Variants in C4orf50 observed in about 807,000 individuals in gnomAD.
The protein encoded by C4orf50 is uncharacterized protein C4orf50.
A neutral mutation model predicts 77.2 loss-of-function variants in C4orf50; 80 were observed. That is an observed-to-expected ratio of 1.04 (90% CI 0.87 to 1.25). The LOEUF is 1.25. C4orf50 is among the 50% of genes most tolerant of loss of function. C4orf50 has a pLI of 0.00. For synonymous variants in C4orf50, 532 were observed against 465.3 expected, an observed-to-expected ratio of 1.14 and a Z score of -1.84; for missense variants, 1,257 against 1,152.9, an observed-to-expected ratio of 1.09 and a Z score of -1.31.
At chr4:5,980,776 G>A (rs1720543850) in intron 28 of C4orf50, among the ~76,000 whole-genome samples, 2 of 152,164 alleles carry the variant, frequency 1.3e-5, no homozygotes, top group Non-Finnish European at 2.9e-5. Context: ...GAAATTGAAT[G>A]TTCCAATCAA....
chr4:5,970,674 CA>C lies in C4orf50; in HGVS notation c.4104+2984del, dbSNP rs1719858253. Among the ~76,000 whole-genome samples the C allele has an allele frequency of 1.3e-5, 2 of 152,320 alleles. No individual in the cohort carries two copies. Among genetic ancestry groups the C allele is most frequent in the Admixed American group, 1.3e-4 (2 of 15,302 alleles). ...AGGACAAGAAAAGAAAATGGAAATA[CA>C]AAGACTCAGTCACGTGCAGGGAGGG... On this transcript the variant is annotated intron_variant, in intron 31 of 33. Transcript: ENST00000531445. This position sits in a 1 kb window ranked among gnomAD's most constrained non-coding sequence, Gnocchi z 4.3.
chr4:5,916,647 A>G lies in C4orf50; in HGVS notation c.*2475-18459T>C, dbSNP rs922845938. 1.3e-5 allele frequency among the ~76,000 whole-genome samples: 2 copies of G among 152,242 alleles called. No individual in the cohort carries two copies. The highest frequency in any genetic ancestry group is 2.9e-5 in the Non-Finnish European group (2 of 68,008). On this transcript the variant is annotated intron_variant, in intron 7 of 7. Transcript: ENST00000324058. This position sits in a 1 kb window ranked among gnomAD's most constrained non-coding sequence, Gnocchi z 4.4. The stretch of plus-strand genomic sequence containing the variant: ...GGGTGCAGGTGGTTTATTTGGGGGG[A>G]GATCCCAGAAGTAGGAGTGAGGGAG...
intron 7 of C4orf50, among the ~76,000 whole-genome samples, chr4:5,925,807 C>A (rs1484213974): frequency 1.3e-5 from 2 of 152,196 alleles, no homozygotes; most frequent in Non-Finnish European, 2.9e-5. Context: ...GGCCTGGGAC[C>A]CACCCTTGGC....
exon 28 of C4orf50, chr4:5,988,390 A>G: frequency 6.2e-7 from 1 of 1,613,936 alleles, no homozygotes; most frequent in Non-Finnish European, 8.5e-7. Context: ...CCCCTGAGCC[A>G]CAGAACACCT....
chr4:5,989,749 G>A (rs4266238), exon 28 of C4orf50: 801,015 of 1,532,948 alleles, frequency 0.52, 214,555 homozygotes, highest in East Asian at 0.89. Flanking sequence ...TGGCAAACCT[G>A]TCTCTCCTGC....
At chr4:5,988,845 A>G in exon 28 of C4orf50, 1 of 1,535,964 alleles carries the variant, frequency 6.5e-7, no homozygotes, top group Non-Finnish European at 8.7e-7. Context: ...TCAGCTCTTT[A>G]TAACTGACGC....
Position 5,908,451 on chromosome 4 carries a change from T to C in C4orf50, c.*2475-10263A>G, listed in dbSNP as rs1268623982. On this transcript the variant is annotated intron_variant, in intron 7 of 7. Coordinates refer to the C4orf50 transcript ENST00000324058. This position sits in a 1 kb window ranked among gnomAD's most constrained non-coding sequence, Gnocchi z 5.6. ...TCTATAAAACCACAGGAGGCATTCA[T>C]ATGTCCTGGGGAGTTGGCAGCGACT... Among the ~76,000 whole-genome samples, 1 of 152,244 alleles carries C rather than the reference T, an allele frequency of 6.6e-6. No individual in the cohort carries two copies. Among genetic ancestry groups the C allele is most frequent in the East Asian group, 1.9e-4 (1 of 5,162 alleles).
At chr4:5,997,650 T>A (rs145233379) in intron 25 of C4orf50, among the ~76,000 whole-genome samples, 101 of 152,362 alleles carry the variant, frequency 6.6e-4, no homozygotes, top group African/African-American at 2.2e-3. Flanking sequence ...TGTGCAATTA[T>A]AAGCAAAAAG....
chr4:5,936,652 A>G (rs1718032644), intron 7 of C4orf50, among the ~76,000 whole-genome samples: 1 of 56,384 alleles, frequency 1.8e-5, no homozygotes. Context: ...AAATTGAGTC[A>G]GTCTAAAACT....
intron 25 of C4orf50, among the ~76,000 whole-genome samples, chr4:6,004,341 G>A (rs1577992757): frequency 7.8e-6 from 1 of 128,854 alleles, no homozygotes; most frequent in Admixed American, 7.9e-5. Context: ...TGATGGTGAT[G>A]GTGATGATGA....
At chr4:6,003,716 T>C (rs1721960696) in intron 25 of C4orf50, among the ~76,000 whole-genome samples, 2 of 145,636 alleles carry the variant, frequency 1.4e-5, no homozygotes, top group African/African-American at 5.1e-5. Context: ...GATGATGTGA[T>C]GGTGATGATG....
Position 5,905,856 on chromosome 4 carries a change from G to A in C4orf50, c.*2475-7668C>T, listed in dbSNP as rs1410763547. ...TGCTCTGGGATGTCGTCATTTGTTC[G>A]TCCAACAAAAAGTGATGGGACACCT... On this transcript the variant is annotated intron_variant, in intron 7 of 7. Coordinates refer to the C4orf50 transcript ENST00000324058. This position sits in a 1 kb window ranked among gnomAD's most constrained non-coding sequence, Gnocchi z 5.4. 2.0e-5 allele frequency among the ~76,000 whole-genome samples: 3 copies of A among 148,956 alleles called. No individual in the cohort carries two copies. The highest frequency in any genetic ancestry group is 3.9e-4 in the East Asian group (2 of 5,104).
At chr4:5,925,000 G>T (rs1485294492) in intron 7 of C4orf50, among the ~76,000 whole-genome samples, 1 of 152,078 alleles carries the variant, frequency 6.6e-6, no homozygotes. Context: ...CCAGGAAGGG[G>T]AGTGGGAGAG....
chr4:6,004,031 T>TG (rs1479727336), intron 25 of C4orf50, among the ~76,000 whole-genome samples: 248 of 120,134 alleles, frequency 2.1e-3, no homozygotes, highest in South Asian at 3.5e-3. Context: ...GATAATGTGA[T>TG]AGTGATGATG....
intron 7 of C4orf50, among the ~76,000 whole-genome samples, chr4:5,920,847 C>G (rs1717234451): frequency 6.6e-6 from 1 of 152,216 alleles, no homozygotes. Context: ...CCGTGCTCAA[C>G]AACTGCTGAC....
At chr4:5,959,109 C>G (rs998385508) in exon 34 of C4orf50, 11 of 430,186 alleles carry the variant, frequency 2.6e-5, no homozygotes, top group African/African-American at 2.2e-4. Context: ...AACCTCTGGA[C>G]CAATCATTCA....
chr4:5,961,399 T>G (rs1397014707), intron 33 of C4orf50, among the ~76,000 whole-genome samples: 1 of 152,206 alleles, frequency 6.6e-6, no homozygotes, highest in Non-Finnish European at 1.5e-5. Flanking sequence ...AGTATAATAT[T>G]GGCAGTTTCC....
chr4:5,993,040 C>G, intron 26 of C4orf50, 110 bp from the exon 5 acceptor site: 1 of 393,010 alleles, frequency 2.5e-6, no homozygotes, highest in Non-Finnish European at 4.5e-6. Context: ...ACCCCCCCCA[C>G]CCCCGACTGT....
chr4:5,930,580 C>T (rs536226962), intron 7 of C4orf50, among the ~76,000 whole-genome samples: 3 of 152,310 alleles, frequency 2.0e-5, no homozygotes, highest in South Asian at 2.1e-4. Context: ...CAGTGCCTCC[C>T]GTGTCTCACT....
Sources: gnomAD v4.1 joint callset for allele counts (sites outside exome capture counted in the v4.1 genomes callset) on GRCh38, gnomAD v4.1.1 for gene constraint, Gnocchi (gnomAD v3.1) non-coding constraint, MANE v1.5 for transcripts, NCBI Gene and HGNC (gene_info 2026-07-23, HGNC 2026-07-21) for gene names.